Variants in ELP2 observed in about 807,000 individuals in gnomAD.
The protein encoded by ELP2 is elongator acetyltransferase complex subunit 2.
Under a neutral mutation model 119.2 loss-of-function variants are expected in ELP2, and 90 were observed. The observed-to-expected ratio is 0.75, with a 90% CI of 0.64 to 0.90. ELP2 has a LOEUF of 0.90. ELP2 is among the 40% of genes least tolerant of loss of function. The pLI, the probability that ELP2 is intolerant of heterozygous loss-of-function variation, is 0.00. For synonymous variants in ELP2, 339 were observed against 331.0 expected, an observed-to-expected ratio of 1.02 and a Z score of -0.26; for missense variants, 921 against 967.8, an observed-to-expected ratio of 0.95 and a Z score of 0.64.
intron 9 of ELP2, 33 bp from the exon 10 acceptor site, chr18:36,145,914 TG>T (rs2090183329): frequency 6.5e-7 from 1 of 1,533,506 alleles, no homozygotes; most frequent in Admixed American, 1.7e-5. Flanking sequence ...TGATGATTGT[TG>T]ATCACCTAAA....
At position 36,156,385 on chromosome 18, in the gene ELP2, G is replaced by A. The variant is rs528288103; in HGVS notation, c.1276-81G>A. On this transcript the variant is annotated intron_variant, in intron 12 of 21. Transcript: ENST00000358232. Reference sequence around the variant, plus strand: ...CCCATGGTTATATTTCCATTGTATAGTAAATAATTTTCATCTAATAATTTG... The same window carrying A: ...CCCATGGTTATATTTCCATTGTATAATAAATAATTTTCATCTAATAATTTG... 155 of 1,324,482 alleles carry A rather than the reference G, an allele frequency of 1.2e-4. No individual in the cohort carries two copies. In the African/African-American group the frequency reaches 2.1e-3, roughly 18 times the overall value. 82.0% of individuals were successfully genotyped at this position (1,324,482 alleles called of 1,614,324 possible). A position where few individuals can be genotyped will look rare whatever the true frequency, so the allele number is the denominator to read the frequency against.
At chr18:36,171,307 A>G in intron 21 of ELP2, 147 bp downstream of exon 21, 2 of 681,800 alleles carry the variant, frequency 2.9e-6, no homozygotes, top group East Asian at 2.7e-5. Context: ...TCTGAAATTG[A>G]TACATGTGGT....
At chr18:36,148,208 C>G (rs1045722016) in intron 11 of ELP2, among the ~76,000 whole-genome samples, 2 of 151,958 alleles carry the variant, frequency 1.3e-5, no homozygotes, top group Non-Finnish European at 2.9e-5. Flanking sequence ...ATTCTCCTGC[C>G]TCAGCCTCCT....
chr18:36,148,324 G>A (rs751090424), intron 11 of ELP2, among the ~76,000 whole-genome samples: 2 of 151,892 alleles, frequency 1.3e-5, no homozygotes, highest in Non-Finnish European at 2.9e-5. Flanking sequence ...TGCCCACCTC[G>A]GCCTCCCAGA....
In ELP2 at chr18:36,141,177, C is replaced by T. The variant is rs1295177201; in HGVS notation, c.564C>T (p.His188=). ...LACGNDDCRI[H]IFAQQNDQFQ... ...GTGGCAATGATGATTGCAGAATTCA[C>T]ATATTTGCTCAACAAAATGATCAGG... The change falls in exon 6 of 22, where the codon CAC becomes CAT. Residue 188 remains histidine, a synonymous_variant. Transcript: ENST00000358232. 6.2e-7 allele frequency: 1 copy of T among 1,613,532 alleles called. No homozygotes were observed. Among genetic ancestry groups the T allele is most frequent in the South Asian group, 1.1e-5 (1 of 91,066 alleles).
At chr18:36,143,180 C>T (rs2090091257) in intron 8 of ELP2, among the ~76,000 whole-genome samples, 1 of 151,538 alleles carries the variant, frequency 6.6e-6, no homozygotes, top group Non-Finnish European at 1.5e-5. Flanking sequence ...ACTGCAACCT[C>T]CGTCTCCCAG....
At position 36,174,631 on chromosome 18, in the gene ELP2, G is replaced by T; in HGVS notation, c.2471G>T (p.Cys824Phe). 1 of 1,614,058 alleles carries T rather than the reference G, an allele frequency of 6.2e-7. No individual in the cohort carries two copies. The highest frequency in any genetic ancestry group is 8.5e-7 in the Non-Finnish European group (1 of 1,179,966). ...GTGAAGATACACAGAGTCAATAAAT[G>T]TGCACTGTAATGGACTTAATAACTA... ...HTVKIHRVNK[C>F]AL The change falls in exon 22 of 22, where the codon TGT (cysteine) becomes TTT (phenylalanine). Residue 824 changes from cysteine to phenylalanine, a missense_variant. Coordinates refer to ENST00000358232, the MANE Select transcript of ELP2 (RefSeq NM_018255.4).
chr18:36,172,688 C>T (rs1158644846), intron 21 of ELP2, among the ~76,000 whole-genome samples: 1 of 152,170 alleles, frequency 6.6e-6, no homozygotes, highest in Non-Finnish European at 1.5e-5. Context: ...TCCACTTTGC[C>T]TGCCCACAGT....
chr18:36,139,279 T>C, intron 5 of ELP2: 1 of 729,178 alleles, frequency 1.4e-6, no homozygotes, highest in Non-Finnish European at 2.2e-6. Flanking sequence ...TCCCGAATAA[T>C]GACATTTTGC....
rs754732072 is a variant in ELP2 at position 36,159,953 on chromosome 18, T to C, written c.1631-5T>C. 4 of 1,614,104 alleles carry C rather than the reference T, an allele frequency of 2.5e-6. No individual in the cohort carries two copies. The highest frequency in any genetic ancestry group is 3.4e-6 in the Non-Finnish European group (4 of 1,180,004). On this transcript the variant is annotated splice_region_variant and splice_polypyrimidine_tract_variant and intron_variant, in intron 15 of 21. Coordinates refer to ENST00000358232, the MANE Select transcript of ELP2 (RefSeq NM_018255.4). ...ATAGAAAAAAATAGCTTCAATTTAT[T>C]CTAGAGCCTCCCACTGAGGATCATC...
At position 36,160,000 on chromosome 18, in the gene ELP2, C is replaced by T. The variant is rs760114001; in HGVS notation, c.1673C>T (p.Pro558Leu). ...EDHLLQNTLW[P>L]EVQKLYGHGY... The stretch of plus-strand genomic sequence containing the variant: ...CATCTTCTGCAGAATACTTTGTGGC[C>T]TGAAGTTCAAAAACTGTAAGTTAAA... The change falls in exon 16 of 22, where the codon CCT becomes CTT. Residue 558 changes from proline (P) to leucine (L), a missense_variant. By Grantham distance (98) the Pro-to-Leu change is moderately conservative. Coordinates refer to ENST00000358232, the MANE Select transcript of ELP2 (RefSeq NM_018255.4). The T allele has an allele frequency of 6.2e-7, 1 of 1,613,938 alleles. No homozygotes were observed. Among genetic ancestry groups the T allele is most frequent in the Non-Finnish European group, 8.5e-7 (1 of 1,179,990 alleles).
At position 36,138,253 on chromosome 18, in the gene ELP2, C is replaced by G. The variant is rs373862565; in HGVS notation, c.289-17C>G. ...ATCCTTTTTTTCACAATGCTTCTGT[C>G]ATTCTTTCTGATTCAGCTTTTAAAA... On this transcript the variant is annotated splice_polypyrimidine_tract_variant and intron_variant, in intron 3 of 21. Transcript: ENST00000358232. 4.7e-5 allele frequency: 76 copies of G among 1,613,660 alleles called. No individual in the cohort carries two copies. Among genetic ancestry groups the G allele is most frequent in the Non-Finnish European group, 6.2e-5 (73 of 1,179,844 alleles).
At chr18:36,167,001 A>G in intron 18 of ELP2, 100 bp from the exon 19 acceptor site, 2 of 1,245,866 alleles carry the variant, frequency 1.6e-6, no homozygotes, top group South Asian at 3.6e-5. Context: ...TAAATTGAAT[A>G]TTAAGTCATA....
At chr18:36,146,496 G>A (rs548023398) in intron 11 of ELP2, 115 bp downstream of exon 11, 1 of 1,171,890 alleles carries the variant, frequency 8.5e-7, no homozygotes, top group Admixed American at 2.1e-5. Flanking sequence ...TGAAGTTCAA[G>A]TGACATAACT....
intron 19 of ELP2, among the ~76,000 whole-genome samples, chr18:36,168,750 GCTGCTA>G (rs901604141): frequency 7.2e-5 from 11 of 152,076 alleles, no homozygotes; most frequent in Non-Finnish European, 1.5e-4. Flanking sequence ...ACATGGTCCA[GCTGCTA>G]CTCTCAGGGA....
chr18:36,173,693 CAG>C (rs1378756492), intron 21 of ELP2, among the ~76,000 whole-genome samples: 1 of 152,168 alleles, frequency 6.6e-6, no homozygotes, highest in East Asian at 1.9e-4. Context: ...CATCTGGTGA[CAG>C]GGACTGTCAG....
intron 2 of ELP2, among the ~76,000 whole-genome samples, chr18:36,133,903 T>G (rs1406318259): frequency 3.3e-5 from 2 of 59,844 alleles, no homozygotes; most frequent in East Asian, 3.3e-4. Context: ...AGGGGTTTTT[T>G]TTTTTTTTTT....
At chr18:36,144,193 A>G (rs1464560105) in intron 8 of ELP2, among the ~76,000 whole-genome samples, 1 of 152,164 alleles carries the variant, frequency 6.6e-6, no homozygotes, top group Non-Finnish European at 1.5e-5. Context: ...TATAACCAGC[A>G]TATTAGGAGT....
chr18:36,130,220 G>C, intron 1 of ELP2, 149 bp downstream of exon 1: 1 of 967,156 alleles, frequency 1.0e-6, no homozygotes, highest in Non-Finnish European at 1.6e-6. Flanking sequence ...AGTCTCCAGT[G>C]GACCTGCCGG....
Sources: allele counts gnomAD v4.1 joint callset (sites outside exome capture counted in the v4.1 genomes callset), GRCh38; gene constraint gnomAD v4.1.1; transcripts MANE v1.5; gene names NCBI Gene and HGNC (gene_info 2026-07-23, HGNC 2026-07-21).